PRKAG2: variants seen among roughly 807,000 people sequenced by gnomAD.
The protein encoded by PRKAG2 is protein kinase AMP-activated non-catalytic subunit gamma 2, also known as 5'-AMP-activated protein kinase subunit gamma-2.
A neutral mutation model predicts 69.6 loss-of-function variants in PRKAG2; 26 were observed. That is an observed-to-expected ratio of 0.37 (90% CI 0.27 to 0.52). The LOEUF (loss-of-function observed/expected upper bound fraction) is 0.52. Among genes scored for constraint, PRKAG2 ranks in the 20% least tolerant of loss-of-function variants. The pLI is 0.90. For synonymous variants in PRKAG2, 293 were observed against 285.0 expected (o/e 1.03, Z -0.28); for missense variants, 557 against 740.0 (o/e 0.75, Z 2.87).
At position 151,658,262 on chromosome 7, in the gene PRKAG2, C is replaced by T. The variant is rs921397550; in HGVS notation, c.684+17158G>A. ...CAGCACTTTGGGAGGCTGAGGCGGG[C>T]GGATCATGAGGTCAGGAGTTTGAGA... is the stretch of plus-strand genomic sequence containing the variant. On this transcript the variant is annotated intron_variant, in intron 4 of 15. Transcript: ENST00000287878. Among the ~76,000 whole-genome samples, 8 of 150,672 alleles carry T rather than the reference C, an allele frequency of 5.3e-5. No individual in the cohort carries two copies. In the South Asian group the frequency reaches 6.3e-4, roughly 12 times the overall value.
At chr7:151,695,425 T>C (rs1439082594) in intron 3 of PRKAG2, among the ~76,000 whole-genome samples, 1 of 152,066 alleles carries the variant, frequency 6.6e-6, no homozygotes. Flanking sequence ...CCAGAGAGCA[T>C]GAGCCCAGCC....
intron 4 of PRKAG2, among the ~76,000 whole-genome samples, chr7:151,654,048 G>A (rs1435852158): frequency 2.0e-5 from 3 of 152,044 alleles, no homozygotes; most frequent in African/African-American, 7.3e-5. Flanking sequence ...TTAAATCATG[G>A]TGTTTTCAAA....
intron 3 of PRKAG2, among the ~76,000 whole-genome samples, chr7:151,691,481 C>T (rs1409028185): frequency 1.6e-4 from 14 of 90,054 alleles, no homozygotes; most frequent in Non-Finnish European, 3.5e-4. Flanking sequence ...AAAAAAAACT[C>T]AGTAAAAAAA....
intron 3 of PRKAG2, among the ~76,000 whole-genome samples, chr7:151,693,546 T>A (rs1836050186): frequency 6.6e-6 from 1 of 152,246 alleles, no homozygotes; most frequent in South Asian, 2.1e-4. Context: ...TTTAAAGACA[T>A]CTATATACTG....
intron 4 of PRKAG2, among the ~76,000 whole-genome samples, chr7:151,661,017 C>T (rs1024723137): frequency 7.2e-5 from 11 of 152,186 alleles, no homozygotes; most frequent in Non-Finnish European, 1.3e-4. Context: ...CTTCATCTTA[C>T]AGGAATGTTG....
chr7:151,858,507 A>T (rs1347633554), intron 1 of PRKAG2, among the ~76,000 whole-genome samples: 2 of 152,184 alleles, frequency 1.3e-5, no homozygotes, highest in Non-Finnish European at 2.9e-5. Context: ...GGATAGTTAA[A>T]TACCCATATC....
intron 3 of PRKAG2, among the ~76,000 whole-genome samples, chr7:151,692,503 A>C (rs755589520): frequency 6.6e-6 from 1 of 152,190 alleles, no homozygotes; most frequent in African/African-American, 2.4e-5. Flanking sequence ...GAATTGTTCT[A>C]TGTCTTGACG....
intron 11 of PRKAG2, among the ~76,000 whole-genome samples, chr7:151,566,298 C>T (rs1302297201): frequency 6.6e-6 from 1 of 152,134 alleles, no homozygotes; most frequent in Non-Finnish European, 1.5e-5. Context: ...TTATTAAGAA[C>T]CTATACATTT....
chr7:151,728,275 C>G (rs1329415710), intron 3 of PRKAG2, among the ~76,000 whole-genome samples: 2 of 152,074 alleles, frequency 1.3e-5, no homozygotes, highest in African/African-American at 4.8e-5. Context: ...CTATTTTTTT[C>G]TTCTCAATCG....
intron 5 of PRKAG2, among the ~76,000 whole-genome samples, chr7:151,631,115 C>G (rs1231556997): frequency 6.6e-6 from 1 of 152,214 alleles, no homozygotes; most frequent in Non-Finnish European, 1.5e-5. Context: ...GCACAAGGGA[C>G]AGCATCCACA....
At position 151,788,231 on chromosome 7, in the gene PRKAG2, T is replaced by A. The variant is rs1401898163; in HGVS notation, c.115-1690A>T. Among the ~76,000 whole-genome samples, 2 of 152,232 alleles carry A rather than the reference T, an allele frequency of 1.3e-5. No homozygotes were observed. Among genetic ancestry groups the A allele is most frequent in the Admixed American group, 1.3e-4 (2 of 15,286 alleles). On this transcript the variant is annotated intron_variant, in intron 1 of 15. Transcript: ENST00000287878. The surrounding 1 kb of genome is among the most constrained non-coding windows in gnomAD (Gnocchi z 4.6). Reference sequence around the variant, plus strand: ...CTTTCCCACCCACAGTACACAGGGTTTCAATTTCTCCACATCCTCATCAAC... The same window carrying A: ...CTTTCCCACCCACAGTACACAGGGTATCAATTTCTCCACATCCTCATCAAC...
intron 3 of PRKAG2, among the ~76,000 whole-genome samples, chr7:151,688,046 C>CCCCCCT (rs1339604578): frequency 2.1e-5 from 3 of 142,624 alleles, no homozygotes; most frequent in Non-Finnish European, 4.8e-5. Flanking sequence ...AATGAGGCCC[C>CCCCCCT]CCCCCGGGCT....
chr7:151,836,686 CGGGTCCTCCA>C lies in PRKAG2; in HGVS notation c.114+39811_114+39820del, dbSNP rs1385713371. 6.6e-6 allele frequency among the ~76,000 whole-genome samples: 1 copy of C among 152,202 alleles called. No homozygotes were observed. The highest frequency in any genetic ancestry group is 1.5e-5 in the Non-Finnish European group (1 of 68,038). ...AGCGGGGCACAGGAGGGCGTGTATG[CGGGTCCTCCA>C]GGGTCCTCAGGCCACAGCTCCTGGG... On this transcript the variant is annotated intron_variant, in intron 1 of 15. Coordinates refer to ENST00000287878, the MANE Select transcript of PRKAG2 (RefSeq NM_016203.4). The surrounding 1 kb of genome is among the most constrained non-coding windows in gnomAD (Gnocchi z 4.1).
At chr7:151,791,451 G>A (rs777445725) in intron 1 of PRKAG2, among the ~76,000 whole-genome samples, 10 of 152,110 alleles carry the variant, frequency 6.6e-5, no homozygotes, top group Non-Finnish European at 1.3e-4. Context: ...TCCTCTTCCC[G>A]TCTGCCGGCC....
chr7:151,628,059 A>T (rs2151305393), intron 5 of PRKAG2, among the ~76,000 whole-genome samples: 1 of 152,292 alleles, frequency 6.6e-6, no homozygotes, highest in East Asian at 1.9e-4. Flanking sequence ...GGAAGAGGAG[A>T]GACAGTCAGT....
At chr7:151,616,946 T>C (rs193230707) in intron 5 of PRKAG2, among the ~76,000 whole-genome samples, 1 of 152,038 alleles carries the variant, frequency 6.6e-6, no homozygotes, top group East Asian at 1.9e-4. Flanking sequence ...CAGGACCAGA[T>C]CGCCAAGGGC....
intron 3 of PRKAG2, among the ~76,000 whole-genome samples, chr7:151,721,259 C>T (rs1174455568): frequency 6.6e-6 from 1 of 152,104 alleles, no homozygotes; most frequent in East Asian, 1.9e-4. Flanking sequence ...GGGTCCTGTC[C>T]CCTCTCTGCA....
At chr7:151,709,382 C>T (rs911883637) in intron 3 of PRKAG2, among the ~76,000 whole-genome samples, 5 of 151,984 alleles carry the variant, frequency 3.3e-5, no homozygotes, top group African/African-American at 1.2e-4. Context: ...TACTATATGA[C>T]AGTGACATTG....
At chr7:151,782,140 G>T in intron 2 of PRKAG2, among the ~76,000 whole-genome samples, 1 of 151,948 alleles carries the variant, frequency 6.6e-6, no homozygotes, top group African/African-American at 2.4e-5. Flanking sequence ...AAAATTAGCT[G>T]GGCATGGTGG....
Sources: gnomAD v4.1 joint callset for allele counts (sites outside exome capture counted in the v4.1 genomes callset) on GRCh38, gnomAD v4.1.1 for gene constraint, Gnocchi (gnomAD v3.1) non-coding constraint, MANE v1.5 for transcripts, NCBI Gene and HGNC (gene_info 2026-07-23, HGNC 2026-07-21) for gene names.